KTN1: variants seen among roughly 807,000 people sequenced by gnomAD.
KTN1 encodes the protein kinectin.
A neutral mutation model predicts 222.5 loss-of-function variants in KTN1; 130 were observed. The observed-to-expected ratio is 0.58, with a 90% confidence interval of 0.51 to 0.68. The LOEUF is 0.68. Ranked by LOEUF, KTN1 falls within the 30% of genes least tolerant of loss-of-function variation. The pLI is 0.00. For synonymous variants in KTN1, 512 were observed against 496.3 expected (o/e 1.03, Z -0.42); for missense variants, 1,508 against 1,500.4 (o/e 1.01, Z -0.08).
At chr14:55,633,636 A>G (rs559882501) in intron 8 of KTN1, among the ~76,000 whole-genome samples, 3 of 152,058 alleles carry the variant, frequency 2.0e-5, no homozygotes, top group South Asian at 2.1e-4. Context: ...TATATAAACT[A>G]TGTAATAAAT....
chr14:55,583,294 T>C (rs2140289770), intron 1 of KTN1, among the ~76,000 whole-genome samples: 1 of 152,314 alleles, frequency 6.6e-6, no homozygotes, highest in East Asian at 1.9e-4. Context: ...TAAAAAATGG[T>C]ACAAGCTTTT....
intron 5 of KTN1, among the ~76,000 whole-genome samples, chr14:55,622,220 A>G (rs531232600): frequency 1.6e-4 from 25 of 152,260 alleles, no homozygotes; most frequent in Admixed American, 1.6e-3. Flanking sequence ...TAGAAGTGCT[A>G]AAGTCAAAGT....
intron 2 of KTN1, among the ~76,000 whole-genome samples, chr14:55,615,869 CCTTTT>C (rs1027850423): frequency 6.7e-6 from 1 of 148,608 alleles, no homozygotes; most frequent in African/African-American, 2.5e-5. Flanking sequence ...TTTCTTTCTT[CCTTTT>C]CTTCTTTCTT....
intron 7 of KTN1, among the ~76,000 whole-genome samples, chr14:55,630,471 G>A (rs2040387358): frequency 6.6e-6 from 1 of 152,188 alleles, no homozygotes; most frequent in South Asian, 2.1e-4. Context: ...GAGTTACTTG[G>A]TGTGATTTCT....
chr14:55,655,213 G>C (rs1461001214), intron 28 of KTN1, among the ~76,000 whole-genome samples: 1 of 152,042 alleles, frequency 6.6e-6, no homozygotes, highest in Non-Finnish European at 1.5e-5. Context: ...TCCTGGGCTT[G>C]AGTGATCCTC....
chr14:55,653,112 GT>G, intron 27 of KTN1, 27 bp downstream of exon 27: 2 of 1,338,526 alleles, frequency 1.5e-6, no homozygotes, highest in Non-Finnish European at 2.1e-6. Context: ...TTACCAACAT[GT>G]TACATAAGGA....
chr14:55,612,253 A>G lies in KTN1; in HGVS notation c.205A>G (p.Asn69Asp), dbSNP rs370873837. The G allele has an allele frequency of 6.3e-7, 1 of 1,590,152 alleles. No homozygotes were observed. The highest frequency in any genetic ancestry group is 8.5e-7 in the Non-Finnish European group (1 of 1,174,292). ...AAAGAATAAAAAGAAAGAAATCCAGAATGGAAACCTCCATGAATCCGACTC... is the reference window on the plus strand; with the variant it reads ...AAAGAATAAAAAGAAAGAAATCCAGGATGGAAACCTCCATGAATCCGACTC... Reference protein sequence around the residue: ...KKKNKKKEIQNGNLHESDSES... With the variant: ...KKKNKKKEIQDGNLHESDSES... Residue 69 changes from asparagine to aspartate, a missense_variant, in exon 2 of 44, where the codon AAT becomes GAT. Physicochemically the swap from Asn to Asp is conservative, Grantham distance 23 (BLOSUM62 1). Transcript: ENST00000395314.
intron 9 of KTN1, among the ~76,000 whole-genome samples, chr14:55,635,241 G>A (rs1394792979): frequency 3.3e-5 from 5 of 152,148 alleles, no homozygotes; most frequent in South Asian, 2.1e-4. Flanking sequence ...GTTAAAGACC[G>A]TTTGAAGATA....
chr14:55,582,558 TG>T (rs753815343), intron 1 of KTN1, among the ~76,000 whole-genome samples: 13 of 152,192 alleles, frequency 8.5e-5, no homozygotes, highest in Non-Finnish European at 1.8e-4. Flanking sequence ...GAATCATAAT[TG>T]TTTTTTTAAA....
chr14:55,618,117 A>C lies in KTN1; in HGVS notation c.815A>C (p.Lys272Thr). ...GIQKSGTKKL[K>T]TETDKENAEV... ...CAGAAATCTGGGACTAAAAAACTGA[A>C]GACCGAAACTGACAAAGGTAATATA... Residue 272 changes from lysine to threonine, a missense_variant, in exon 4 of 44, where the codon AAG becomes ACG. Coordinates refer to ENST00000395314, the MANE Select transcript of KTN1 (RefSeq NM_001079521.2). The C allele has an allele frequency of 6.2e-7, 1 of 1,611,368 alleles. No individual in the cohort carries two copies. The highest frequency in any genetic ancestry group is 1.3e-5 in the African/African-American group (1 of 74,932).
Position 55,637,377 on chromosome 14 carries a change from CTTTTTTT to C in KTN1, c.1716+20_1716+26del, listed in dbSNP as rs370256596. The stretch of plus-strand genomic sequence containing the variant: ...AATGCAGGTTCAGGTATTTTTTCTT[CTTTTTTT>C]TTTTTTAAAAAAATACAGGTGGTCA... On this transcript the variant is annotated intron_variant, in intron 11 of 43. Coordinates refer to ENST00000395314, the MANE Select transcript of KTN1 (RefSeq NM_001079521.2). The C allele has an allele frequency of 1.0e-6, 1 of 986,370 alleles. No homozygotes were observed. The highest frequency in any genetic ancestry group is 3.0e-5 in the Admixed American group (1 of 33,588). The allele number at this position is 986,370 out of a possible 1,614,324, so 61.1% of individuals were successfully genotyped here.
chr14:55,607,502 A>G (rs1221099199), intron 1 of KTN1: 1 of 152,218 alleles, frequency 6.6e-6, no homozygotes, highest in Non-Finnish European at 1.5e-5. Flanking sequence ...GCGGGTCAGT[A>G]TCTTTATCAG....
At chr14:55,599,307 CTT>C (rs766482809) in intron 1 of KTN1, among the ~76,000 whole-genome samples, 3 of 151,932 alleles carry the variant, frequency 2.0e-5, no homozygotes, top group Non-Finnish European at 4.4e-5. Context: ...ATGTGCTACT[CTT>C]GTTTATTTTG....
In KTN1 at chr14:55,640,580, T is replaced by C. The variant is rs998084152; in HGVS notation, c.1983+138T>C. On this transcript the variant is annotated intron_variant, in intron 15 of 43. Coordinates refer to ENST00000395314, the MANE Select transcript of KTN1 (RefSeq NM_001079521.2). ...TATCATCTTTGGCTGCATGATTTGA[T>C]GTTACTGTTTTTATGTTGAAATAAA... The C allele has an allele frequency of 2.3e-5, 15 of 639,340 alleles. No homozygotes were observed. The African/African-American group carries it at 2.6e-4, about 11-fold the overall frequency. 39.6% of individuals were successfully genotyped at this position (639,340 alleles called of 1,614,324 possible).
intron 5 of KTN1, among the ~76,000 whole-genome samples, chr14:55,623,726 A>G (rs1038835140): frequency 6.6e-6 from 1 of 152,250 alleles, no homozygotes; most frequent in Admixed American, 6.5e-5. Flanking sequence ...TTGGGTGAGT[A>G]AATACTTAAA....
Position 55,639,231 on chromosome 14 carries a change from A to G in KTN1, c.1823+9A>G. 1.9e-6 allele frequency: 3 copies of G among 1,589,490 alleles called. No homozygotes were observed. Among genetic ancestry groups the G allele is most frequent in the Non-Finnish European group, 2.6e-6 (3 of 1,158,510 alleles). On this transcript the variant is annotated intron_variant, in intron 13 of 43. Coordinates refer to ENST00000395314, the MANE Select transcript of KTN1 (RefSeq NM_001079521.2). ...GAAGAATTACATAAAGTGTAAGCCT[A>G]CCTTTTCACACTCTTATAATTGTGT...
intron 1 of KTN1, among the ~76,000 whole-genome samples, chr14:55,610,927 A>G (rs1449954777): frequency 6.6e-6 from 1 of 152,226 alleles, no homozygotes; most frequent in Non-Finnish European, 1.5e-5. Flanking sequence ...TACTGAGTCC[A>G]TCTAAAAGTA....
chr14:55,602,598 T>G (rs2036142511), intron 1 of KTN1, among the ~76,000 whole-genome samples: 1 of 152,102 alleles, frequency 6.6e-6, no homozygotes, highest in Non-Finnish European at 1.5e-5. Flanking sequence ...TTTTTTTTTT[T>G]TGAGAGAGGG....
chr14:55,603,543 A>C (rs2036284761), intron 1 of KTN1, among the ~76,000 whole-genome samples: 1 of 152,158 alleles, frequency 6.6e-6, no homozygotes, highest in Non-Finnish European at 1.5e-5. Context: ...TTTTCTTTAT[A>C]GCTCTCCTCA....
Sources: allele counts gnomAD v4.1 joint callset (sites outside exome capture counted in the v4.1 genomes callset), GRCh38; gene constraint gnomAD v4.1.1; transcripts MANE v1.5; gene names NCBI Gene and HGNC (gene_info 2026-07-23, HGNC 2026-07-21).